Variants in CELF4 observed in about 807,000 individuals in gnomAD.
The protein encoded by CELF4 is CUG-BP- and ETR-3-like factor 4.
In CELF4, 18 loss-of-function variants were observed where a neutral mutation model predicts 59.9. The observed-to-expected ratio is 0.30, with a 90% CI of 0.21 to 0.45. The LOEUF is 0.45. Among genes scored for constraint, CELF4 ranks in the 20% least tolerant of loss-of-function variants. The pLI is 1.00. For synonymous variants in CELF4, 261 were observed against 267.1 expected (o/e 0.98, Z 0.22); for missense variants, 456 against 689.0 (o/e 0.66, Z 3.79).
At position 37,377,723 on chromosome 18, in the gene CELF4, G is replaced by C. The variant is rs2098987176; in HGVS notation, c.370-55842C>G. On this transcript the variant is annotated intron_variant, in intron 2 of 12. Transcript: ENST00000420428. ...TTACTCAAGTCGAACTCTGCCTTTG[G>C]GGTTGGGGTCAGAGGCAGGACCCTT... Among the ~76,000 whole-genome samples, 4 of 152,286 alleles carry C rather than the reference G, an allele frequency of 2.6e-5. No individual in the cohort carries two copies. In the South Asian group the frequency reaches 6.2e-4, roughly 24 times the overall value.
At chr18:37,560,474 A>C (rs1183350108) in intron 1 of CELF4, among the ~76,000 whole-genome samples, 1 of 152,186 alleles carries the variant, frequency 6.6e-6, no homozygotes, top group Non-Finnish European at 1.5e-5. Context: ...TTAGGTTTGT[A>C]ATGATTGCTA....
chr18:37,423,064 G>GCACACACA (rs10654318), intron 2 of CELF4, among the ~76,000 whole-genome samples: 76,887 of 150,386 alleles, frequency 0.51, 21,846 homozygotes, highest in South Asian at 0.72. Flanking sequence ...GCGCGCGCGC[G>GCACACACA]CACACACACA....
At chr18:37,423,969 C>T (rs2099596243) in intron 2 of CELF4, among the ~76,000 whole-genome samples, 2 of 148,608 alleles carry the variant, frequency 1.3e-5, no homozygotes, top group South Asian at 4.4e-4. Context: ...CTTCTAAGTC[C>T]TGGGGAGAGG....
intron 2 of CELF4, among the ~76,000 whole-genome samples, chr18:37,351,754 G>T (rs138511503): frequency 6.6e-6 from 1 of 151,822 alleles, no homozygotes; most frequent in Non-Finnish European, 1.5e-5. Context: ...GGGACCACAG[G>T]TGCACGCCAC....
intron 1 of CELF4, among the ~76,000 whole-genome samples, chr18:37,534,676 C>T (rs567792018): frequency 2.6e-5 from 4 of 152,156 alleles, no homozygotes; most frequent in Non-Finnish European, 4.4e-5. Context: ...AACTATATTC[C>T]GACACATAGA....
chr18:37,501,839 G>A (rs2099932203), intron 1 of CELF4, among the ~76,000 whole-genome samples: 1 of 152,204 alleles, frequency 6.6e-6, no homozygotes, highest in Admixed American at 6.5e-5. Flanking sequence ...GCACTCCAAC[G>A]TTGACCAGCA....
intron 2 of CELF4, among the ~76,000 whole-genome samples, chr18:37,438,593 C>T (rs1473016743): frequency 6.6e-6 from 1 of 152,144 alleles, no homozygotes. Context: ...GTCATGTTTA[C>T]CCTGGTGCCT....
At chr18:37,563,633 C>T (rs995197471) in intron 1 of CELF4, among the ~76,000 whole-genome samples, 1 of 152,064 alleles carries the variant, frequency 6.6e-6, no homozygotes, top group African/African-American at 2.4e-5. Context: ...GGCTGCCTCC[C>T]CGTTCCACCT....
intron 1 of CELF4, among the ~76,000 whole-genome samples, chr18:37,492,161 T>G (rs1182169181): frequency 6.6e-6 from 1 of 152,142 alleles, no homozygotes; most frequent in Non-Finnish European, 1.5e-5. Context: ...GCCTTGGACT[T>G]GGCCGGCCTG....
intron 1 of CELF4, among the ~76,000 whole-genome samples, chr18:37,517,284 GT>G (rs2099951763): frequency 6.6e-6 from 1 of 152,210 alleles, no homozygotes; most frequent in East Asian, 1.9e-4. Context: ...GCAGATTCCT[GT>G]TGGAGAGCAT....
intron 1 of CELF4, among the ~76,000 whole-genome samples, chr18:37,548,543 C>T (rs985012782): frequency 3.3e-5 from 5 of 152,154 alleles, no homozygotes; most frequent in African/African-American, 1.2e-4. Context: ...GCCTTTGTGC[C>T]GCCCCTTATG....
chr18:37,249,924 G>A lies in CELF4; in HGVS notation c.*44+3843C>T, dbSNP rs2064413537. Among the ~76,000 whole-genome samples, 4 of 152,138 alleles carry A rather than the reference G, an allele frequency of 2.6e-5. No homozygotes were observed. The South Asian group carries it at 8.3e-4, about 31-fold the overall frequency. ...ACCTGTGCCTGCAAAGCCTGGACCCGACACTCTCCAAAAGCATACTCAGAG... is the reference window on the plus strand; with the variant it reads ...ACCTGTGCCTGCAAAGCCTGGACCCAACACTCTCCAAAAGCATACTCAGAG... On this transcript the variant is annotated intron_variant, in intron 12 of 12. Transcript: ENST00000420428.
chr18:37,421,506 C>G (rs2099577881), intron 2 of CELF4, among the ~76,000 whole-genome samples: 1 of 152,246 alleles, frequency 6.6e-6, no homozygotes, highest in Non-Finnish European at 1.5e-5. Context: ...AGTCCAACCC[C>G]AGCCTCCTGC....
At chr18:37,404,995 C>CA (rs954417562) in intron 2 of CELF4, among the ~76,000 whole-genome samples, 19 of 152,030 alleles carry the variant, frequency 1.2e-4, no homozygotes, top group African/African-American at 4.6e-4. Flanking sequence ...CAAAACAAAA[C>CA]AAAAAAAAGT....
At chr18:37,429,475 G>A (rs921996665) in intron 2 of CELF4, among the ~76,000 whole-genome samples, 2 of 152,138 alleles carry the variant, frequency 1.3e-5, no homozygotes, top group African/African-American at 4.8e-5. Context: ...GCCTATGTGT[G>A]CCAGCGTCTT....
At chr18:37,463,511 A>T (rs2099799456) in intron 2 of CELF4, among the ~76,000 whole-genome samples, 1 of 152,204 alleles carries the variant, frequency 6.6e-6, no homozygotes, top group African/African-American at 2.4e-5. Context: ...TAGAGAGATT[A>T]AACTGTCTTC....
At chr18:37,359,783 G>A (rs892603474) in intron 2 of CELF4, among the ~76,000 whole-genome samples, 8 of 152,092 alleles carry the variant, frequency 5.3e-5, no homozygotes, top group South Asian at 4.2e-4. Flanking sequence ...TCCTGACCTC[G>A]TGGTCCGCCC....
intron 1 of CELF4, among the ~76,000 whole-genome samples, chr18:37,558,873 A>G (rs2099985708): frequency 6.6e-6 from 1 of 151,690 alleles, no homozygotes; most frequent in African/African-American, 2.4e-5. Flanking sequence ...ACCAAGAGGC[A>G]GTGAGTAAGG....
intron 2 of CELF4, among the ~76,000 whole-genome samples, chr18:37,408,496 G>GAA (rs869309994): frequency 5.5e-5 from 1 of 18,040 alleles, no homozygotes; most frequent in South Asian, 0.013. Context: ...TGGTGCCGGG[G>GAA]GGGGGCGCGG....
Sources: allele counts gnomAD v4.1 joint callset (sites outside exome capture counted in the v4.1 genomes callset), GRCh38; gene constraint gnomAD v4.1.1; transcripts MANE v1.5; gene names NCBI Gene and HGNC (gene_info 2026-07-23, HGNC 2026-07-21).